DMRT1: variants seen among roughly 807,000 people sequenced by gnomAD.
DMRT1 encodes doublesex- and mab-3-related transcription factor 1.
DMRT1 carries 7 observed loss-of-function variants against 32.3 expected under a neutral mutation model. The ratio of observed to expected loss-of-function variants is 0.22; its 90% CI spans 0.12 to 0.41. The LOEUF (loss-of-function observed/expected upper bound fraction) is 0.41, where lower values mean the gene tolerates loss of function less well. Ranked by LOEUF, DMRT1 falls within the 10% of genes least tolerant of loss-of-function variation. The probability of loss-of-function intolerance (pLI) is 1.00; values close to 1 mark genes in which losing one functional copy is unlikely to be tolerated. For missense variants in DMRT1, 625 were observed against 500.5 expected, an observed-to-expected ratio of 1.25 and a Z score of -2.37; for synonymous variants, 278 against 206.1, an observed-to-expected ratio of 1.35 and a Z score of -2.99.
chr9:849,083 A>G (rs1435095039), intron 2 of DMRT1, among the ~76,000 whole-genome samples: 3 of 151,502 alleles, frequency 2.0e-5, no homozygotes, highest in African/African-American at 7.3e-5. Context: ...GATTTTCACA[A>G]ACGTCTCAGG....
At chr9:963,420 T>C (rs988126051) in intron 4 of DMRT1, among the ~76,000 whole-genome samples, 4 of 14,632 alleles carry the variant, frequency 2.7e-4, no homozygotes, top group African/African-American at 8.1e-4. Context: ...GATCATTACT[T>C]TTTTTTTAGT....
chr9:848,193 T>C (rs1284340910), intron 2 of DMRT1, among the ~76,000 whole-genome samples: 1 of 152,254 alleles, frequency 6.6e-6, no homozygotes, highest in Non-Finnish European at 1.5e-5. Flanking sequence ...GCTTAAGCAC[T>C]GTGTACTAAA....
chr9:885,634 G>C lies in DMRT1; in HGVS notation c.539-8278G>C, dbSNP rs779398383. Among the ~76,000 whole-genome samples, 8 of 152,288 alleles carry C rather than the reference G, an allele frequency of 5.3e-5. No homozygotes were observed. In the East Asian group the frequency reaches 1.4e-3, roughly 26 times the overall value. ...CAGCCGCTTGTGTGTCTGCTCGCTAGGGTTTCAGGGGTTTTGTAGACACAG... is the reference window on the plus strand; with the variant it reads ...CAGCCGCTTGTGTGTCTGCTCGCTACGGTTTCAGGGGTTTTGTAGACACAG... On this transcript the variant is annotated intron_variant, in intron 2 of 4. Transcript: ENST00000382276.
intron 2 of DMRT1, among the ~76,000 whole-genome samples, chr9:850,997 C>G (rs1463430584): frequency 7.0e-6 from 1 of 142,290 alleles, no homozygotes; most frequent in Non-Finnish European, 1.5e-5. Flanking sequence ...CCATTGCACT[C>G]CGGCCTGGGC....
At chr9:861,721 G>A (rs986327951) in intron 2 of DMRT1, among the ~76,000 whole-genome samples, 8 of 148,796 alleles carry the variant, frequency 5.4e-5, no homozygotes, top group Admixed American at 5.3e-4. Context: ...GCGGCTGGCC[G>A]GGCAGGGGCT....
chr9:913,264 G>A (rs1055631767), intron 3 of DMRT1, among the ~76,000 whole-genome samples: 1 of 152,166 alleles, frequency 6.6e-6, no homozygotes, highest in Admixed American at 6.5e-5. Context: ...ACCTGAAGTA[G>A]ATGTGACAAA....
At chr9:877,093 C>T (rs1816535502) in intron 2 of DMRT1, among the ~76,000 whole-genome samples, 1 of 152,220 alleles carries the variant, frequency 6.6e-6, no homozygotes, top group African/African-American at 2.4e-5. Flanking sequence ...AAGGACTTCT[C>T]TGTGGTCACA....
intron 4 of DMRT1, among the ~76,000 whole-genome samples, chr9:923,785 G>T (rs1163728572): frequency 6.6e-6 from 1 of 152,196 alleles, no homozygotes; most frequent in Non-Finnish European, 1.5e-5. Context: ...TTTAAGGAAA[G>T]CTGAATGTGT....
chr9:851,042 A>G lies in DMRT1; in HGVS notation c.538+3899A>G, dbSNP rs1192265952. ...AGACTCTATCTCAAAAAAAAAAAAAAAAAGAAAGAAAAATAGACGTGGAAG... is the reference window on the plus strand; with the variant it reads ...AGACTCTATCTCAAAAAAAAAAAAAGAAAGAAAGAAAAATAGACGTGGAAG... On this transcript the variant is annotated intron_variant, in intron 2 of 4. Coordinates refer to ENST00000382276, the MANE Select transcript of DMRT1 (RefSeq NM_021951.3). Among the ~76,000 whole-genome samples the G allele has an allele frequency of 1.4e-4, 7 of 51,620 alleles. 1 individual carries two copies. The South Asian group carries it at 2.2e-3, about 16-fold the overall frequency. 33.9% of individuals were successfully genotyped at this position (51,620 alleles called of 152,430 possible). A position where few individuals can be genotyped will look rare whatever the true frequency, so the allele number is the denominator to read the frequency against.
At chr9:854,124 T>A (rs1001816062) in intron 2 of DMRT1, among the ~76,000 whole-genome samples, 17 of 149,664 alleles carry the variant, frequency 1.1e-4, no homozygotes, top group African/African-American at 4.3e-4. Flanking sequence ...TTTTTTTTTT[T>A]AATTTTTCAA....
chr9:860,270 C>G (rs1172141068), intron 2 of DMRT1, among the ~76,000 whole-genome samples: 1 of 152,088 alleles, frequency 6.6e-6, no homozygotes. Context: ...GTACTCCAGC[C>G]TGGGCGACAG....
chr9:843,075 T>C (rs1029457349), intron 1 of DMRT1: 3 of 152,218 alleles, frequency 2.0e-5, no homozygotes, highest in Non-Finnish European at 4.4e-5. Context: ...CGACCGCGCC[T>C]TGGGAGCAGA....
At chr9:859,914 G>C (rs1815579700) in intron 2 of DMRT1, among the ~76,000 whole-genome samples, 1 of 152,202 alleles carries the variant, frequency 6.6e-6, no homozygotes, top group African/African-American at 2.4e-5. Flanking sequence ...TCAGCATATA[G>C]TAACAGATGA....
intron 2 of DMRT1, among the ~76,000 whole-genome samples, chr9:890,931 T>C (rs1235430941): frequency 6.6e-6 from 1 of 150,598 alleles, no homozygotes; most frequent in Admixed American, 6.6e-5. Context: ...GGTTTCACCA[T>C]GTTGGTCAGG....
At chr9:915,301 T>TCA (rs1252754387) in intron 3 of DMRT1, among the ~76,000 whole-genome samples, 1 of 152,162 alleles carries the variant, frequency 6.6e-6, no homozygotes, top group Non-Finnish European at 1.5e-5. Context: ...TCTTACACAA[T>TCA]CAGAGTCATC....
intron 4 of DMRT1, among the ~76,000 whole-genome samples, chr9:921,872 A>C (rs10759043): frequency 0.68 from 103,623 of 151,910 alleles, 36,518 homozygotes; most frequent in South Asian, 0.88. Context: ...ACCCTGAGAC[A>C]CACACTGCAT....
At chr9:851,270 G>A (rs770704382) in intron 2 of DMRT1, among the ~76,000 whole-genome samples, 38 of 152,020 alleles carry the variant, frequency 2.5e-4, no homozygotes, top group East Asian at 3.9e-4. Flanking sequence ...ACACAGTCTC[G>A]CTCTATCGCC....
At chr9:906,034 C>T (rs1817764215) in intron 3 of DMRT1, among the ~76,000 whole-genome samples, 1 of 74,326 alleles carries the variant, frequency 1.3e-5, no homozygotes, top group African/African-American at 3.0e-5. Context: ...CACACACCCA[C>T]ACACACACAC....
At chr9:926,907 T>C (rs1369139496) in intron 4 of DMRT1, among the ~76,000 whole-genome samples, 4 of 152,208 alleles carry the variant, frequency 2.6e-5, no homozygotes, top group African/African-American at 9.7e-5. Context: ...ACATCACAAA[T>C]CATCAAGTTG....
Sources: gnomAD v4.1 joint callset for allele counts (sites outside exome capture counted in the v4.1 genomes callset) on GRCh38, gnomAD v4.1.1 for gene constraint, MANE v1.5 for transcripts, NCBI Gene and HGNC (gene_info 2026-07-23, HGNC 2026-07-21) for gene names.